ZNF665: variants seen among roughly 807,000 people sequenced by gnomAD.
ZNF665 encodes the protein zinc finger protein 665.
In ZNF665, 6 loss-of-function variants were observed where a neutral mutation model predicts 7.9. The ratio of observed to expected loss-of-function variants is 0.76; its 90% CI spans 0.42 to 1.50. The LOEUF is 1.50. Ranked by LOEUF, ZNF665 falls within the 40% of genes most tolerant of loss-of-function variation. The pLI, the probability that ZNF665 is intolerant of heterozygous loss-of-function variation, is 0.01. For synonymous variants in ZNF665, 242 were observed against 274.5 expected, an observed-to-expected ratio of 0.88 and a Z score of 1.17; for missense variants, 819 against 806.7, an observed-to-expected ratio of 1.02 and a Z score of -0.18.
chr19:53,184,257 A>C (rs927344388), intron 1 of ZNF665, among the ~76,000 whole-genome samples: 1 of 152,182 alleles, frequency 6.6e-6, no homozygotes, highest in African/African-American at 2.4e-5. Context: ...CTCAAAAAAA[A>C]AGACTAGAAG....
chr19:53,178,756 A>C (rs922390479), intron 2 of ZNF665, among the ~76,000 whole-genome samples: 2 of 152,228 alleles, frequency 1.3e-5, no homozygotes. Flanking sequence ...AAGCAAATTT[A>C]AACTGAAAAC....
At position 53,164,317 on chromosome 19, in the gene ZNF665, T is replaced by C; in HGVS notation, c.*136A>G. On this transcript the variant is annotated 3_prime_UTR_variant, in exon 4 of 4. Coordinates refer to ENST00000396424, the MANE Select transcript of ZNF665 (RefSeq NM_024733.5). ...CACACCCAGCTAATTTTTGTATTTT[T>C]AGTAGAGACAGCGTTTCACCGTGTT... 4.5e-6 allele frequency: 3 copies of C among 668,032 alleles called. No individual in the cohort carries two copies. The highest frequency in any genetic ancestry group is 7.3e-6 in the Non-Finnish European group (3 of 413,504). The allele number at this position is 668,032 out of a possible 1,614,324, so 41.4% of individuals were successfully genotyped here. A position where few individuals can be genotyped will look rare whatever the true frequency, so the allele number is the denominator to read the frequency against.
chr19:53,172,781 C>T (rs952536808), intron 3 of ZNF665, among the ~76,000 whole-genome samples: 6 of 145,114 alleles, frequency 4.1e-5, no homozygotes, highest in Non-Finnish European at 8.9e-5. Context: ...GCCAAGATCA[C>T]GCCACTGCAC....
rs1056850807 is a variant in ZNF665, at chr19:53,182,924, C to T, written c.-26G>A. The T allele has an allele frequency of 1.2e-6, 2 of 1,608,558 alleles. No individual in the cohort carries two copies. The highest frequency in any genetic ancestry group is 1.6e-4 in the Middle Eastern group (1 of 6,082). On this transcript the variant is annotated 5_prime_UTR_variant, in exon 2 of 4. Transcript: ENST00000396424. ...CCCTGACTCCTTTGCCTTCCTCTTC[C>T]TCTTCTTCCAGGGTTCTACCTTGGG...
chr19:53,189,059 G>A (rs1027808598), intron 1 of ZNF665, among the ~76,000 whole-genome samples: 2 of 150,514 alleles, frequency 1.3e-5, no homozygotes, highest in Non-Finnish European at 3.0e-5. Context: ...TTCTGTGTGT[G>A]TGTGTGTGTG....
In ZNF665 at chr19:53,163,480, G is replaced by A. The variant is rs1262380063; in HGVS notation, c.*973C>T. Reference sequence around the variant, plus strand: ...ATTCAGACTATATTTAATTTTAAAAGGCAGAGTCTTTTTTCTTCAGGAGCT... The same window carrying A: ...ATTCAGACTATATTTAATTTTAAAAAGCAGAGTCTTTTTTCTTCAGGAGCT... On this transcript the variant is annotated 3_prime_UTR_variant, in exon 4 of 4. Transcript: ENST00000396424. 6.6e-6 allele frequency: 1 copy of A among 152,148 alleles called. No homozygotes were observed. The highest frequency in any genetic ancestry group is 1.5e-5 in the Non-Finnish European group (1 of 68,032). The allele number at this position is 152,148 out of a possible 1,614,324, so 9.4% of individuals were successfully genotyped here.
At position 53,182,936 on chromosome 19, in the gene ZNF665, G is replaced by A. The variant is rs1369416283; in HGVS notation, c.-38C>T. The A allele has an allele frequency of 6.8e-6, 11 of 1,606,616 alleles. No individual in the cohort carries two copies. Among genetic ancestry groups the A allele is most frequent in the Non-Finnish European group, 9.3e-6 (11 of 1,179,582 alleles). On this transcript the variant is annotated 5_prime_UTR_variant, in exon 2 of 4. Coordinates refer to ENST00000396424, the MANE Select transcript of ZNF665 (RefSeq NM_024733.5). The stretch of plus-strand genomic sequence containing the variant: ...TGCCTTCCTCTTCCTCTTCTTCCAG[G>A]GTTCTACCTTGGGTAACATGAAAGA...
chr19:53,176,037 T>C (rs551224350), intron 2 of ZNF665, among the ~76,000 whole-genome samples: 15 of 152,240 alleles, frequency 9.9e-5, no homozygotes, highest in African/African-American at 3.1e-4. Context: ...GGTGCGTACC[T>C]GCAATCCCAG....
intron 3 of ZNF665, among the ~76,000 whole-genome samples, chr19:53,174,650 G>C (rs972952419): frequency 6.6e-6 from 1 of 151,948 alleles, no homozygotes; most frequent in Non-Finnish European, 1.5e-5. Flanking sequence ...CTTATGAGAA[G>C]AAAGAAGGCC....
chr19:53,165,629 T>G lies in ZNF665; in HGVS notation c.861A>C (p.Glu287Asp). ...LTTHQVIHTG[E>D]KPYKCKECGK... ...CACATTCCTTACATTTGTAAGGTTT[T>G]TCTCCAGTATGGATGACCTGATGTG... is the stretch of plus-strand genomic sequence containing the variant. Residue 287 changes from glutamate to aspartate, a missense_variant, in exon 4 of 4, where the codon GAA becomes GAC. By Grantham distance (45) the Glu-to-Asp change is conservative. Transcript: ENST00000396424. 1 of 1,614,190 alleles carries G rather than the reference T, an allele frequency of 6.2e-7. No individual in the cohort carries two copies. The highest frequency in any genetic ancestry group is 8.5e-7 in the Non-Finnish European group (1 of 1,180,036).
rs528499519 is a variant in ZNF665 at position 53,164,385 on chromosome 19, G to A, written c.*68C>T. 3.2e-4 allele frequency: 418 copies of A among 1,300,072 alleles called. No individual in the cohort carries two copies. The highest frequency in any genetic ancestry group is 7.2e-4 in the African/African-American group (49 of 67,598). 80.5% of individuals were successfully genotyped at this position (1,300,072 alleles called of 1,614,324 possible). ...ACTCGAGACCTCAGGTGATCCCCCC[G>A]CCTCGGCCTCCCAAAGTGCTGGGAT... On this transcript the variant is annotated 3_prime_UTR_variant, in exon 4 of 4. Coordinates refer to ENST00000396424, the MANE Select transcript of ZNF665 (RefSeq NM_024733.5).
chr19:53,167,964 G>T (rs1351972700), intron 3 of ZNF665, among the ~76,000 whole-genome samples: 1 of 147,678 alleles, frequency 6.8e-6, no homozygotes, highest in Non-Finnish European at 1.5e-5. Context: ...GCTGAGGCAG[G>T]AGAATGGCGT....
intron 3 of ZNF665, among the ~76,000 whole-genome samples, chr19:53,171,524 A>ATTTTTTTTTTTTTTT (rs1215685651): frequency 1.4e-5 from 1 of 69,318 alleles, no homozygotes; most frequent in African/African-American, 5.2e-5. Flanking sequence ...ATATATATAT[A>ATTTTTTTTTTTTTTT]TTTTTTTTTT....
In ZNF665 at chr19:53,165,387, T is replaced by C; in HGVS notation, c.1103A>G (p.His368Arg). ...ACACTTGTAAGGTTTCTCACCAGTA[T>C]GAATTCGCCGATGCTTTGCAAGGTA... ...NSYLAKHRRI[H>R]TGEKPYKCNE... Residue 368 changes from histidine (H) to arginine (R), a missense_variant, in exon 4 of 4, where the codon CAT (histidine) becomes CGT (arginine). Physicochemically the swap from His to Arg is conservative, Grantham distance 29. Coordinates refer to ENST00000396424, the MANE Select transcript of ZNF665 (RefSeq NM_024733.5). 1 of 1,614,228 alleles carries C rather than the reference T, an allele frequency of 6.2e-7. No individual in the cohort carries two copies. Among genetic ancestry groups the C allele is most frequent in the Non-Finnish European group, 8.5e-7 (1 of 1,180,036 alleles).
In ZNF665 at chr19:53,166,218, A is replaced by G. The variant is rs755502505; in HGVS notation, c.272T>C (p.Val91Ala). Reference sequence around the variant, plus strand: ...CTCAAAGTCGTATGTATTTTTCTGAACTTCCTGGAAGGACAAGCCTACAGT... The same window carrying G: ...CTCAAAGTCGTATGTATTTTTCTGAGCTTCCTGGAAGGACAAGCCTACAGT... ...CDTVGLSFQEVQKNTYDFECQ... is the reference protein window; with the variant it reads ...CDTVGLSFQEAQKNTYDFECQ... The change falls in exon 4 of 4, where the codon GTT (valine) becomes GCT (alanine). Residue 91 changes from valine to alanine, a missense_variant. Coordinates refer to ENST00000396424, the MANE Select transcript of ZNF665 (RefSeq NM_024733.5). The G allele has an allele frequency of 2.0e-5, 32 of 1,613,928 alleles. No individual in the cohort carries two copies. The highest frequency in any genetic ancestry group is 2.6e-5 in the Non-Finnish European group (31 of 1,179,882).
At chr19:53,189,063 G>C (rs4305193) in intron 1 of ZNF665, among the ~76,000 whole-genome samples, 51,324 of 104,248 alleles carry the variant, frequency 0.49, 9,562 homozygotes, top group Middle Eastern at 0.61. Flanking sequence ...GTGTGTGTGT[G>C]TGTGTGTGTG....
chr19:53,184,828 A>G (rs7258895), intron 1 of ZNF665, among the ~76,000 whole-genome samples: 56,741 of 147,924 alleles, frequency 0.38, 12,256 homozygotes, highest in Non-Finnish European at 0.47. Flanking sequence ...AAGGGGCAGG[A>G]TAAGGAGTGT....
intron 3 of ZNF665, among the ~76,000 whole-genome samples, chr19:53,169,735 C>T (rs2090643164): frequency 6.7e-6 from 1 of 149,920 alleles, no homozygotes; most frequent in African/African-American, 2.5e-5. Context: ...TTCCTGTGTC[C>T]ATGTGTTCTT....
At chr19:53,167,309 T>G (rs984442049) in intron 3 of ZNF665, among the ~76,000 whole-genome samples, 1 of 151,726 alleles carries the variant, frequency 6.6e-6, no homozygotes, top group Non-Finnish European at 1.5e-5. Context: ...CCCCAACAGT[T>G]GTATTTCTTA....
Sources: allele counts gnomAD v4.1 joint callset (sites outside exome capture counted in the v4.1 genomes callset), GRCh38; gene constraint gnomAD v4.1.1; transcripts MANE v1.5; gene names NCBI Gene and HGNC (gene_info 2026-07-23, HGNC 2026-07-21).